The following GALK2 variants were observed in gnomAD, a reference collection of about 807,000 sequenced individuals.
The protein encoded by GALK2 is galactokinase 2.
In GALK2, 36 loss-of-function variants were observed where a neutral mutation model predicts 52.4. That is an observed-to-expected ratio of 0.69 (90% CI 0.53 to 0.91). GALK2 has a LOEUF of 0.91. Among genes scored for constraint, GALK2 ranks in the 40% least tolerant of loss-of-function variants. The probability of loss-of-function intolerance (pLI) is 0.00; values close to 1 mark genes in which losing one functional copy is unlikely to be tolerated. For missense variants in GALK2, 579 were observed against 559.1 expected, an observed-to-expected ratio of 1.04 and a Z score of -0.36; for synonymous variants, 176 against 199.1, an observed-to-expected ratio of 0.88 and a Z score of 0.98.
chr15:49,283,332 C>G (rs916556330), intron 6 of GALK2, among the ~76,000 whole-genome samples: 7 of 152,186 alleles, frequency 4.6e-5, no homozygotes, highest in African/African-American at 4.8e-5. Context: ...AGGTATTTGT[C>G]TGTCTACTAG....
chr15:49,361,918 A>C (rs1308699770), intron 3 of GALK2, among the ~76,000 whole-genome samples: 3 of 151,872 alleles, frequency 2.0e-5, no homozygotes, highest in African/African-American at 7.3e-5. Flanking sequence ...TTATTTTTTG[A>C]CTTTTCCATA....
chr15:49,210,184 T>C (rs1302898536), intron 2 of GALK2, among the ~76,000 whole-genome samples: 1 of 140,744 alleles, frequency 7.1e-6, no homozygotes, highest in Admixed American at 6.9e-5. Context: ...TAATGTCTCC[T>C]TTTCTGTTTT....
chr15:49,186,551 T>G (rs2086358079), intron 1 of GALK2, among the ~76,000 whole-genome samples: 1 of 149,714 alleles, frequency 6.7e-6, no homozygotes, highest in Admixed American at 6.6e-5. Context: ...TCTTTTTTTT[T>G]TTTTTTTGAG....
chr15:49,200,470 A>G (rs2087644020), intron 1 of GALK2, among the ~76,000 whole-genome samples: 1 of 152,236 alleles, frequency 6.6e-6, no homozygotes, highest in Non-Finnish European at 1.5e-5. Flanking sequence ...GTCGTACTCA[A>G]TTAGAGTGGA....
chr15:49,160,548 C>T (rs1255333705), intron 1 of GALK2, among the ~76,000 whole-genome samples: 1 of 152,000 alleles, frequency 6.6e-6, no homozygotes, highest in Non-Finnish European at 1.5e-5. Context: ...ATCTCGTTTA[C>T]TACTGTTGAC....
At chr15:49,356,940 C>T (rs1353809649) in intron 3 of GALK2, among the ~76,000 whole-genome samples, 1 of 149,088 alleles carries the variant, frequency 6.7e-6, no homozygotes, top group African/African-American at 2.5e-5. Flanking sequence ...TCACTCAAAA[C>T]CGCTCCACTA....
At position 49,366,426 on chromosome 15, in the gene GALK2, C is replaced by G. The variant is rs529975532; in HGVS notation, c.427-1065C>G. 7.9e-6 allele frequency: 7 copies of G among 885,174 alleles called. 1 individual carries two copies. In the South Asian group the frequency reaches 9.3e-5, roughly 12 times the overall value. The allele number at this position is 885,174 out of a possible 1,614,324, so 54.8% of individuals were successfully genotyped here. A position where few individuals can be genotyped will look rare whatever the true frequency, so the allele number is the denominator to read the frequency against. On this transcript the variant is annotated intron_variant, in intron 3 of 3. Transcript: ENST00000558399. ...CAGCTGCCCCATTGCACCACAACTG[C>G]TTTGTTCTTTATGTCAACAGGAGGA...
chr15:49,184,894 A>T (rs143379853), intron 1 of GALK2, among the ~76,000 whole-genome samples: 2 of 152,204 alleles, frequency 1.3e-5, no homozygotes, highest in Non-Finnish European at 2.9e-5. Flanking sequence ...AGTAGTATAC[A>T]TGCCACAATT....
intron 3 of GALK2, chr15:49,353,983 T>C (rs1305267817): frequency 1.3e-5 from 2 of 152,242 alleles, no homozygotes; most frequent in African/African-American, 4.8e-5. Context: ...TGAAGATTAT[T>C]GGAAATCATT....
At chr15:49,231,200 A>G (rs2090483218) in intron 3 of GALK2, among the ~76,000 whole-genome samples, 1 of 152,168 alleles carries the variant, frequency 6.6e-6, no homozygotes, top group Non-Finnish European at 1.5e-5. Flanking sequence ...GCCTCAGGCA[A>G]ATTACAAACA....
intron 3 of GALK2, among the ~76,000 whole-genome samples, chr15:49,227,297 C>A (rs1422892625): frequency 6.6e-6 from 1 of 152,132 alleles, no homozygotes; most frequent in African/African-American, 2.4e-5. Context: ...CTTTATATAT[C>A]TGGGTGCTTT....
At chr15:49,278,691 T>A (rs1369330126) in intron 5 of GALK2, among the ~76,000 whole-genome samples, 1 of 152,104 alleles carries the variant, frequency 6.6e-6, no homozygotes, top group African/African-American at 2.4e-5. Context: ...ATCATTTGAG[T>A]TTGGATTATA....
chr15:49,162,338 T>C (rs1240127909), intron 1 of GALK2, among the ~76,000 whole-genome samples: 1 of 152,242 alleles, frequency 6.6e-6, no homozygotes, highest in Non-Finnish European at 1.5e-5. Flanking sequence ...TTTTTATTGC[T>C]GAATATTCAT....
intron 3 of GALK2, chr15:49,365,531 C>T: frequency 1.2e-6 from 1 of 857,048 alleles, no homozygotes. Flanking sequence ...CTGATGACTA[C>T]TGGCAATGTT....
chr15:49,242,161 C>A (rs541388674), intron 5 of GALK2, among the ~76,000 whole-genome samples: 4 of 152,190 alleles, frequency 2.6e-5, no homozygotes, highest in African/African-American at 9.6e-5. Context: ...TAGAGATGAG[C>A]TAGTTCAAAA....
At chr15:49,179,445 C>T (rs1475816128) in intron 1 of GALK2, among the ~76,000 whole-genome samples, 1 of 152,092 alleles carries the variant, frequency 6.6e-6, no homozygotes, top group East Asian at 1.9e-4. Context: ...CAAGCACAGA[C>T]AGGATGGGGG....
intron 5 of GALK2, among the ~76,000 whole-genome samples, chr15:49,268,300 TG>T (rs1340663300): frequency 1.3e-5 from 2 of 152,148 alleles, no homozygotes; most frequent in Non-Finnish European, 2.9e-5. Flanking sequence ...CCAATTTAAA[TG>T]GGGAAGAGTA....
chr15:49,294,463 T>TTG (rs145961754), intron 8 of GALK2, among the ~76,000 whole-genome samples: 4 of 152,092 alleles, frequency 2.6e-5, no homozygotes, highest in Admixed American at 6.5e-5. Context: ...ATTAAATAAT[T>TTG]TGTGTGTGTG....
intron 5 of GALK2, among the ~76,000 whole-genome samples, chr15:49,278,017 C>T (rs1326337054): frequency 2.0e-5 from 3 of 151,974 alleles, no homozygotes; most frequent in Admixed American, 1.3e-4. Flanking sequence ...AATCCCAGCA[C>T]TTTGGGAGGC....
Sources: allele counts gnomAD v4.1 joint callset (sites outside exome capture counted in the v4.1 genomes callset), GRCh38; gene constraint gnomAD v4.1.1; transcripts MANE v1.5; gene names NCBI Gene and HGNC (gene_info 2026-07-23, HGNC 2026-07-21).